CPS1: variants seen among roughly 807,000 people sequenced by gnomAD.
CPS1 encodes carbamoyl-phosphate synthase 1, also known as carbamoyl-phosphate synthase [ammonia], mitochondrial.
In CPS1, 109 loss-of-function variants were observed where a neutral mutation model predicts 174.6. The observed-to-expected ratio is 0.62, with a 90% CI of 0.53 to 0.73. CPS1 has a LOEUF of 0.73. Among genes scored for constraint, CPS1 ranks in the 30% least tolerant of loss-of-function variants. The pLI, the probability that CPS1 is intolerant of heterozygous loss-of-function variation, is 0.00. For synonymous variants in CPS1, 637 were observed against 632.0 expected, an observed-to-expected ratio of 1.01 and a Z score of -0.12; for missense variants, 1,689 against 1,821.9, an observed-to-expected ratio of 0.93 and a Z score of 1.33.
In CPS1 at chr2:210,586,611, T is replaced by C. The variant is rs117226374; in HGVS notation, c.622-1447T>C. ...TGTTAAGTCCAAGCACAAATCCATATATGCAAGTATCCATGAGGTCTTGTG... is the reference window on the plus strand; with the variant it reads ...TGTTAAGTCCAAGCACAAATCCATACATGCAAGTATCCATGAGGTCTTGTG... On this transcript the variant is annotated intron_variant, in intron 6 of 37. Coordinates refer to ENST00000233072, the MANE Select transcript of CPS1 (RefSeq NM_001875.5). 3.9e-5 allele frequency among the ~76,000 whole-genome samples: 6 copies of C among 152,188 alleles called. No homozygotes were observed. The East Asian group carries it at 1.2e-3, about 29-fold the overall frequency.
intron 21 of CPS1, among the ~76,000 whole-genome samples, chr2:210,631,020 G>GTTT (rs34869171): frequency 7.1e-6 from 1 of 141,702 alleles, no homozygotes; most frequent in African/African-American, 2.7e-5. Flanking sequence ...CTTTTGGAGT[G>GTTT]TTTTTTTTTT....
chr2:210,639,612 CCGTCTCAAAAAAAAA>C (rs1424253715), intron 23 of CPS1, among the ~76,000 whole-genome samples: 5 of 117,766 alleles, frequency 4.2e-5, no homozygotes, highest in African/African-American at 1.8e-4. Flanking sequence ...GAGCGAGACT[CCGTCTCAAAAAAAAA>C]AAAAAAAAAA....
chr2:210,644,295 A>G (rs1574634514), intron 25 of CPS1, among the ~76,000 whole-genome samples: 2 of 152,202 alleles, frequency 1.3e-5, no homozygotes, highest in East Asian at 1.9e-4. Flanking sequence ...TATGATGTAC[A>G]TATGTAAATG....
intron 6 of CPS1, among the ~76,000 whole-genome samples, chr2:210,586,815 G>A (rs187313120): frequency 2.8e-4 from 43 of 152,126 alleles, no homozygotes; most frequent in African/African-American, 8.9e-4. Context: ...ATGATAAAAT[G>A]CGTATTTGTA....
At chr2:210,617,589 C>A (rs1339293331) in intron 21 of CPS1, 1 of 151,936 alleles carries the variant, frequency 6.6e-6, no homozygotes, top group Non-Finnish European at 1.5e-5. Flanking sequence ...ACTTGCTTTT[C>A]TTTTTGAGAA....
At chr2:210,507,003 T>G (rs1249882790) in intron 1 of CPS1, among the ~76,000 whole-genome samples, 1 of 152,096 alleles carries the variant, frequency 6.6e-6, no homozygotes, top group East Asian at 1.9e-4. Flanking sequence ...CAGGCCAACA[T>G]TCAGATTCAG....
intron 3 of CPS1, 33 bp from the exon 4 acceptor site, chr2:210,577,388 T>C: frequency 6.6e-7 from 1 of 1,519,146 alleles, no homozygotes; most frequent in Non-Finnish European, 9.1e-7. Flanking sequence ...TATCTTGTGA[T>C]AACCTCTTTA....
At chr2:210,621,632 T>C (rs1224008009) in intron 21 of CPS1, among the ~76,000 whole-genome samples, 1 of 152,136 alleles carries the variant, frequency 6.6e-6, no homozygotes, top group East Asian at 1.9e-4. Flanking sequence ...CTTTTTTCCA[T>C]TAGTGCATAG....
chr2:210,507,460 G>C (rs1158329294), intron 1 of CPS1, among the ~76,000 whole-genome samples: 1 of 152,100 alleles, frequency 6.6e-6, no homozygotes, highest in South Asian at 2.1e-4. Flanking sequence ...TAGGAAGAAA[G>C]TGCATCAACT....
intron 1 of CPS1, among the ~76,000 whole-genome samples, chr2:210,544,465 G>A (rs991498211): frequency 6.6e-6 from 1 of 151,940 alleles, no homozygotes; most frequent in South Asian, 2.1e-4. Context: ...TAGTTGACCT[G>A]TACAAACATG....
chr2:210,647,915 C>A lies in CPS1; in HGVS notation c.3194C>A (p.Ala1065Glu), dbSNP rs770471782. The change falls in exon 26 of 38, where the codon GCA (alanine) becomes GAA (glutamate). Residue 1065 changes from alanine (A) to glutamate (E), a missense_variant. Ala to Glu is a moderately radical substitution (Grantham distance 107, BLOSUM62 -1). Transcript: ENST00000233072. ...SVGGQIPNNLAVPLYKNGVKI... is the reference protein window; with the variant it reads ...SVGGQIPNNLEVPLYKNGVKI... ...GGAGGCCAGATTCCAAACAACCTGG[C>A]AGTTCCTCTATACAAGAATGGTGTC... 13 of 1,614,044 alleles carry A rather than the reference C, an allele frequency of 8.1e-6. No individual in the cohort carries two copies. The highest frequency in any genetic ancestry group is 1.0e-5 in the Non-Finnish European group (12 of 1,179,954).
chr2:210,568,941 G>A (rs1417404104), intron 1 of CPS1, among the ~76,000 whole-genome samples: 1 of 151,984 alleles, frequency 6.6e-6, no homozygotes, highest in African/African-American at 2.4e-5. Flanking sequence ...GATGGGTGTG[G>A]GGTAGGAGAG....
intron 19 of CPS1, 146 bp from the exon 20 acceptor site, chr2:210,611,971 C>CCT (rs1699138332): frequency 1.7e-6 from 1 of 594,374 alleles, no homozygotes; most frequent in Non-Finnish European, 2.8e-6. Flanking sequence ...AAAGGAACAC[C>CCT]TTTTTTTTTT....
In CPS1 at chr2:210,610,392, C is replaced by T. The variant is rs369905357; in HGVS notation, c.2392-1725C>T. Among the ~76,000 whole-genome samples, 60 of 151,820 alleles carry T rather than the reference C, an allele frequency of 4.0e-4. 1 individual carries two copies. Among genetic ancestry groups the T allele is most frequent in the South Asian group, 6.2e-4 (3 of 4,814 alleles). On this transcript the variant is annotated intron_variant, in intron 19 of 37. Coordinates refer to ENST00000233072, the MANE Select transcript of CPS1 (RefSeq NM_001875.5). ...AAACATTTCCTGAGTTCTTACTAAA[C>T]GCAAGACACTGGGAGGATTTAAAAA...
rs536720621 is a variant in CPS1, at chr2:210,560,147, C to A, written c.126+3288C>A. 4.2e-3 allele frequency among the ~76,000 whole-genome samples: 634 copies of A among 151,968 alleles called. 3 individuals carry two copies. The highest frequency in any genetic ancestry group is 4.7e-3 in the Non-Finnish European group (316 of 67,934). ...TAAATCAGACTCAAGGAAAATGAAGCAAATAATCTTTTTTTTTCAGTATGG... is the reference window on the plus strand; with the variant it reads ...TAAATCAGACTCAAGGAAAATGAAGAAAATAATCTTTTTTTTTCAGTATGG... On this transcript the variant is annotated intron_variant, in intron 1 of 37. Coordinates refer to ENST00000233072, the MANE Select transcript of CPS1 (RefSeq NM_001875.5).
chr2:210,556,517 C>T (rs1696917689), upstream of CPS1: 3 of 1,413,440 alleles, frequency 2.1e-6, no homozygotes, highest in Non-Finnish European at 2.9e-6. Flanking sequence ...TGGAACATCT[C>T]TGGACATTAC....
intron 34 of CPS1, chr2:210,673,649 AGGGG>A (rs905857120): frequency 6.6e-6 from 1 of 152,136 alleles, no homozygotes; most frequent in Admixed American, 6.6e-5. Flanking sequence ...TCTAGTTTTT[AGGGG>A]GGCTGAAAAA....
chr2:210,668,987 T>A (rs1366337333), intron 34 of CPS1, among the ~76,000 whole-genome samples: 2 of 152,154 alleles, frequency 1.3e-5, no homozygotes, highest in East Asian at 3.9e-4. Flanking sequence ...AACTTAACAC[T>A]CCAGATTGAA....
intron 1 of CPS1, among the ~76,000 whole-genome samples, chr2:210,563,448 C>T (rs572504798): frequency 6.9e-4 from 105 of 152,232 alleles, no homozygotes; most frequent in African/African-American, 2.4e-3. Context: ...GTGTTTGTAA[C>T]AAAACATGCT....
Sources: allele counts gnomAD v4.1 joint callset (sites outside exome capture counted in the v4.1 genomes callset), GRCh38; gene constraint gnomAD v4.1.1; transcripts MANE v1.5; gene names NCBI Gene and HGNC (gene_info 2026-07-23, HGNC 2026-07-21).